Variants in OPHN1 observed in about 807,000 individuals in gnomAD.
The protein encoded by OPHN1 is oligophrenin-1.
A neutral mutation model predicts 60.7 loss-of-function variants in OPHN1; 11 were observed. The observed-to-expected ratio is 0.18, with a 90% CI of 0.11 to 0.30. The LOEUF (loss-of-function observed/expected upper bound fraction) is 0.30. Ranked by LOEUF, OPHN1 falls within the 10% of genes least tolerant of loss-of-function variation. The probability of loss-of-function intolerance (pLI) is 1.00; values close to 1 mark genes in which losing one functional copy is unlikely to be tolerated. For missense variants in OPHN1, 449 were observed against 611.0 expected, an observed-to-expected ratio of 0.73 and a Z score of 2.80; for synonymous variants, 226 against 222.6, an observed-to-expected ratio of 1.02 and a Z score of -0.14.
At chrX:68,105,471 G>A (rs189673876) in intron 18 of OPHN1, among the ~76,000 whole-genome samples, 15 of 110,694 alleles carry the variant, frequency 1.4e-4, no homozygotes, top group South Asian at 3.9e-4. Context: ...GGAATACTAC[G>A]CAGCCATAAA....
chrX:68,375,432 A>C (rs779809191), intron 2 of OPHN1, among the ~76,000 whole-genome samples: 2 of 112,020 alleles, frequency 1.8e-5, no homozygotes, highest in Non-Finnish European at 3.8e-5. Flanking sequence ...ATCTGAAAAA[A>C]AGATTCAGAA....
At chrX:68,218,073 G>A (rs1190928075) in intron 6 of OPHN1, among the ~76,000 whole-genome samples, 1 of 81,173 alleles carries the variant, frequency 1.2e-5, no homozygotes, top group Admixed American at 1.6e-4. Context: ...CCAATACAGA[G>A]AAGTGCTTAA....
chrX:68,090,242 C>CTCTG (rs754996747), intron 19 of OPHN1, among the ~76,000 whole-genome samples: 1 of 98,162 alleles, frequency 1.0e-5, no homozygotes, highest in African/African-American at 3.7e-5. Context: ...GTGTGTGTGT[C>CTCTG]TGTGTGTGTG....
chrX:68,388,266 C>T (rs2078634603), intron 2 of OPHN1, among the ~76,000 whole-genome samples: 1 of 105,577 alleles, frequency 9.5e-6, no homozygotes, highest in Non-Finnish European at 1.9e-5. Context: ...TCGAGACCAG[C>T]CTGGCCAACA....
intron 10 of OPHN1, among the ~76,000 whole-genome samples, chrX:68,205,484 C>T (rs933203587): frequency 2.4e-4 from 27 of 111,120 alleles, no homozygotes; most frequent in Non-Finnish European, 4.0e-4. Flanking sequence ...AATAATAAAG[C>T]ATAGCCGAGG....
chrX:68,418,129 A>G (rs1411731605), intron 2 of OPHN1, among the ~76,000 whole-genome samples: 1 of 111,879 alleles, frequency 8.9e-6, no homozygotes, highest in East Asian at 2.8e-4. Flanking sequence ...TAAATATACT[A>G]CCATAGCATA....
chrX:68,263,037 A>G (rs1457583857), intron 5 of OPHN1, among the ~76,000 whole-genome samples: 2 of 112,138 alleles, frequency 1.8e-5, no homozygotes, highest in African/African-American at 6.5e-5. Flanking sequence ...TATAAAAGAC[A>G]TGTTGCCCCC....
At chrX:68,324,302 T>A (rs1454022566) in intron 2 of OPHN1, among the ~76,000 whole-genome samples, 1 of 111,134 alleles carries the variant, frequency 9.0e-6, no homozygotes, top group African/African-American at 3.3e-5. Flanking sequence ...GAATTCCAAA[T>A]GTTCAAAATA....
intron 15 of OPHN1, 195 bp downstream of exon 15, chrX:68,192,724 A>C (rs2077494458): frequency 2.3e-6 from 1 of 430,895 alleles, no homozygotes; most frequent in African/African-American, 2.5e-5. Flanking sequence ...GGATACGAGG[A>C]AGGAGAGATA....
At chrX:68,366,813 C>G (rs181729003) in intron 2 of OPHN1, among the ~76,000 whole-genome samples, 1 of 112,027 alleles carries the variant, frequency 8.9e-6, no homozygotes. Flanking sequence ...ACTTACCACA[C>G]ACTATACTAA....
chrX:68,110,161 T>C (rs2077098229), intron 18 of OPHN1, among the ~76,000 whole-genome samples: 1 of 111,969 alleles, frequency 8.9e-6, no homozygotes, highest in African/African-American at 3.2e-5. Context: ...AGTTTCCCCA[T>C]AGTCTAATTA....
intron 15 of OPHN1, among the ~76,000 whole-genome samples, chrX:68,177,664 G>T (rs981703603): frequency 2.7e-5 from 3 of 111,306 alleles, no homozygotes; most frequent in African/African-American, 9.8e-5. Flanking sequence ...AGGGGGAGTT[G>T]ACACTTCATG....
intron 15 of OPHN1, among the ~76,000 whole-genome samples, chrX:68,126,205 C>A (rs1281779439): frequency 9.2e-6 from 1 of 108,894 alleles, no homozygotes; most frequent in Non-Finnish European, 1.9e-5. Flanking sequence ...AGGATAAAAA[C>A]CCTCAAAAAT....
intron 5 of OPHN1, among the ~76,000 whole-genome samples, chrX:68,260,119 G>C (rs1432823041): frequency 9.1e-6 from 1 of 109,314 alleles, no homozygotes; most frequent in Admixed American, 9.8e-5. Flanking sequence ...AATATTACCT[G>C]AACCCTTGAA....
At chrX:68,183,397 C>T (rs1014106006) in intron 15 of OPHN1, among the ~76,000 whole-genome samples, 1 of 111,809 alleles carries the variant, frequency 8.9e-6, no homozygotes, top group Non-Finnish European at 1.9e-5. Flanking sequence ...AAGCTCTCTG[C>T]CCTCCCTCTA....
intron 18 of OPHN1, among the ~76,000 whole-genome samples, chrX:68,108,955 A>T (rs1359755478): frequency 8.9e-6 from 1 of 111,857 alleles, no homozygotes; most frequent in Non-Finnish European, 1.9e-5. Flanking sequence ...TACCACACCT[A>T]TCCAGTATAA....
intron 2 of OPHN1, among the ~76,000 whole-genome samples, chrX:68,317,333 AGAGAG>A (rs2078204486): frequency 1.2e-5 from 1 of 82,868 alleles, no homozygotes; most frequent in Non-Finnish European, 2.3e-5. Flanking sequence ...GAAGAAAGAA[AGAGAG>A]GAAAGAAAGA....
At chrX:68,309,747 C>T (rs1032414564) in intron 2 of OPHN1, among the ~76,000 whole-genome samples, 13 of 112,054 alleles carry the variant, frequency 1.2e-4, no homozygotes, top group South Asian at 3.7e-4. Flanking sequence ...AAACAATTGT[C>T]CTTTTCCTGG....
rs2077467138 is a variant in OPHN1, at chrX:68,187,336, G to A, written c.1276+5583C>T. On this transcript the variant is annotated intron_variant, in intron 15 of 24. Transcript: ENST00000355520. ...GATAGGAAGATTATTCTGATGATCT[G>A]GGTGGAATGAATGTAATCACAAGGG... Among the ~76,000 whole-genome samples the A allele has an allele frequency of 2.7e-5, 3 of 110,988 alleles. No homozygotes were observed. In the Admixed American group the frequency reaches 2.9e-4, roughly 11 times the overall value.
Sources: allele counts gnomAD v4.1 joint callset (sites outside exome capture counted in the v4.1 genomes callset), GRCh38; gene constraint gnomAD v4.1.1; transcripts MANE v1.5; gene names NCBI Gene and HGNC (gene_info 2026-07-23, HGNC 2026-07-21).